The following C11orf65 variants were observed in gnomAD, a reference collection of about 807,000 sequenced individuals.
The protein encoded by C11orf65 is protein MFI.
C11orf65 carries 38 observed loss-of-function variants against 35.3 expected under a neutral mutation model. That is an observed-to-expected ratio of 1.08 (90% CI 0.83 to 1.41). The LOEUF is 1.41. Among genes scored for constraint, C11orf65 ranks in the 40% most tolerant of loss-of-function variants. The probability of loss-of-function intolerance (pLI) is 0.00; values close to 1 mark genes in which losing one functional copy is unlikely to be tolerated. For synonymous variants in C11orf65, 105 were observed against 114.4 expected (o/e 0.92, Z 0.53); for missense variants, 370 against 367.1 (o/e 1.01, Z -0.06).
At chr11:108,380,099 T>A (rs935610628), downstream of C11orf65, among the ~76,000 whole-genome samples, 4 of 152,214 alleles carry the variant, frequency 2.6e-5, no homozygotes, top group Non-Finnish European at 4.4e-5. Flanking sequence ...CTGATGATAC[T>A]GACTATGGTA....
At chr11:108,311,106 A>G (rs1042429677) in intron 6 of C11orf65, among the ~76,000 whole-genome samples, 2 of 152,002 alleles carry the variant, frequency 1.3e-5, no homozygotes, top group Non-Finnish European at 2.9e-5. Flanking sequence ...AGCTGGGACT[A>G]TAGGCACACA....
chr11:108,348,727 C>A (rs902553788), intron 2 of C11orf65, among the ~76,000 whole-genome samples: 1 of 151,892 alleles, frequency 6.6e-6, no homozygotes, highest in Non-Finnish European at 1.5e-5. Context: ...CAAAGAAATT[C>A]TCAGAAAATA....
In C11orf65 at chr11:108,365,186, T is replaced by A. The variant is rs755561691; in HGVS notation, c.226+28022A>T. ...AAACTGAGCTTCACCCTACTCTGAATGCAGATGACCAAGAATGCAAACGAA... is the reference window on the plus strand; with the variant it reads ...AAACTGAGCTTCACCCTACTCTGAAAGCAGATGACCAAGAATGCAAACGAA... On this transcript the variant is annotated intron_variant, in intron 2 of 3. Coordinates refer to the C11orf65 transcript ENST00000524755. 6.2e-7 allele frequency: 1 copy of A among 1,614,238 alleles called. No individual in the cohort carries two copies. The highest frequency in any genetic ancestry group is 8.5e-7 in the Non-Finnish European group (1 of 1,180,038).
intron 2 of C11orf65, among the ~76,000 whole-genome samples, chr11:108,343,617 T>C (rs2087889519): frequency 6.6e-6 from 1 of 152,224 alleles, no homozygotes; most frequent in African/African-American, 2.4e-5. Context: ...TGTGCTGATT[T>C]GTTTTCAATT....
At chr11:108,347,764 G>C (rs2088635617) in intron 2 of C11orf65, among the ~76,000 whole-genome samples, 2 of 152,246 alleles carry the variant, frequency 1.3e-5, no homozygotes, top group Admixed American at 1.3e-4. Context: ...GCTTGAGAGA[G>C]AGATTGGTAC....
At chr11:108,421,200 T>C (rs2092810743) in intron 3 of C11orf65, among the ~76,000 whole-genome samples, 1 of 152,156 alleles carries the variant, frequency 6.6e-6, no homozygotes, top group Non-Finnish European at 1.5e-5. Flanking sequence ...GATTTTTAGG[T>C]TTGCCTGTTC....
At chr11:108,382,648 A>G (rs543194209), downstream of C11orf65, 2 of 400,572 alleles carry the variant, frequency 5.0e-6, no homozygotes, top group Admixed American at 1.3e-4. Context: ...GGGGATTTAA[A>G]GAAGCAAGGC....
intron 2 of C11orf65, among the ~76,000 whole-genome samples, chr11:108,459,536 G>A (rs1307935936): frequency 6.6e-6 from 1 of 152,122 alleles, no homozygotes. Context: ...GAACCCCTAT[G>A]AAATGTGTCT....
intron 2 of C11orf65, among the ~76,000 whole-genome samples, chr11:108,344,195 C>T (rs1363660191): frequency 1.3e-5 from 2 of 152,178 alleles, no homozygotes; most frequent in East Asian, 3.9e-4. Context: ...CTGTACAGGG[C>T]ACACAGGGTA....
chr11:108,447,223 A>T (rs1254100309), intron 2 of C11orf65, among the ~76,000 whole-genome samples: 1 of 152,142 alleles, frequency 6.6e-6, no homozygotes, highest in Non-Finnish European at 1.5e-5. Flanking sequence ...AGACAGATCA[A>T]CGAGACAGAA....
At chr11:108,328,946 A>G (rs999033177), downstream of C11orf65, 90 of 1,419,040 alleles carry the variant, frequency 6.3e-5, no homozygotes, top group Non-Finnish European at 8.3e-5. Flanking sequence ...TTAGTGTATT[A>G]CCTTAATTTG....
At chr11:108,403,414 TTTTTTG>T (rs1252876984) in intron 6 of C11orf65, among the ~76,000 whole-genome samples, 1 of 145,274 alleles carries the variant, frequency 6.9e-6, no homozygotes, top group African/African-American at 2.6e-5. Flanking sequence ...GAGAGGTTTT[TTTTTTG>T]TTTTTTTTTT....
chr11:108,469,210 C>G (rs2093562941), upstream of C11orf65, among the ~76,000 whole-genome samples: 1 of 146,338 alleles, frequency 6.8e-6, no homozygotes, highest in South Asian at 2.1e-4. Flanking sequence ...GCAAGATTCC[C>G]TCTAAAAAAA....
chr11:108,440,269 C>T (rs892489650), intron 2 of C11orf65, among the ~76,000 whole-genome samples: 2 of 152,138 alleles, frequency 1.3e-5, no homozygotes, highest in African/African-American at 4.8e-5. Context: ...TAGTAAAGTA[C>T]CTCAAAACTT....
downstream of C11orf65, among the ~76,000 whole-genome samples, chr11:108,329,862 T>G (rs1010502218): frequency 6.6e-6 from 1 of 152,244 alleles, no homozygotes; most frequent in Non-Finnish European, 1.5e-5. Context: ...GTTGGTATCA[T>G]AGTGGAAAAG....
intron 3 of C11orf65, among the ~76,000 whole-genome samples, chr11:108,333,628 G>A (rs117855775): frequency 6.6e-6 from 1 of 152,310 alleles, no homozygotes; most frequent in Non-Finnish European, 1.5e-5. Flanking sequence ...AAGATGTTTA[G>A]TCTGGTTCCT....
At chr11:108,437,110 A>AGT (rs1555172799) in intron 2 of C11orf65, among the ~76,000 whole-genome samples, 2 of 101,920 alleles carry the variant, frequency 2.0e-5, no homozygotes, top group South Asian at 3.7e-4. Context: ...AAAAAAAAAA[A>AGT]GGGGGGGGGT....
At chr11:108,359,391 A>AT (rs2090432449) in intron 2 of C11orf65, among the ~76,000 whole-genome samples, 2 of 152,166 alleles carry the variant, frequency 1.3e-5, no homozygotes, top group Non-Finnish European at 2.9e-5. Flanking sequence ...GATCAACGAG[A>AT]TAAAAAGTCA....
chr11:108,343,112 T>C, intron 2 of C11orf65: 1 of 1,365,984 alleles, frequency 7.3e-7, no homozygotes. Context: ...CAGAGAAATA[T>C]TAATACAACT....
Sources: gnomAD v4.1 joint callset for allele counts (sites outside exome capture counted in the v4.1 genomes callset) on GRCh38, gnomAD v4.1.1 for gene constraint, MANE v1.5 for transcripts, NCBI Gene and HGNC (gene_info 2026-07-23, HGNC 2026-07-21) for gene names.